Variants in RPS19BP1 observed in about 807,000 individuals in gnomAD.
RPS19BP1 encodes the protein active regulator of SIRT1.
RPS19BP1 carries 14 observed loss-of-function variants against 16.6 expected under a neutral mutation model. The observed-to-expected ratio is 0.84, with a 90% CI of 0.56 to 1.32. The LOEUF (loss-of-function observed/expected upper bound fraction) is 1.32. RPS19BP1 is among the 40% of genes most tolerant of loss of function. The pLI, the probability that RPS19BP1 is intolerant of heterozygous loss-of-function variation, is 0.00. For synonymous variants in RPS19BP1, 90 were observed against 77.3 expected, an observed-to-expected ratio of 1.16 and a Z score of -0.86; for missense variants, 188 against 178.6, an observed-to-expected ratio of 1.05 and a Z score of -0.30.
chr22:39,529,983 G>C (rs368186709), intron 2 of RPS19BP1, 66 bp from the exon 3 acceptor site: 2 of 1,328,954 alleles, frequency 1.5e-6, no homozygotes, highest in South Asian at 2.4e-5. Context: ...TCAGTCCCTG[G>C]CCCATGGCCC....
intron 2 of RPS19BP1, chr22:39,530,420 A>G (rs955741694): frequency 4.4e-6 from 1 of 225,310 alleles, no homozygotes; most frequent in African/African-American, 2.4e-5. Context: ...AATGTGTTTG[A>G]AAAACACAAA....
chr22:39,531,248 T>G (rs1305001068), intron 2 of RPS19BP1: 15 of 152,242 alleles, frequency 9.9e-5, no homozygotes. Context: ...GGGAATGACC[T>G]CTGGCACTCC....
chr22:39,529,677 C>A (rs1931254018), intron 3 of RPS19BP1, 54 bp from the exon 4 acceptor site: 2 of 1,608,108 alleles, frequency 1.2e-6, no homozygotes, highest in Non-Finnish European at 8.5e-7. Flanking sequence ...AGGAGGCCCG[C>A]AAAGGTCACA....
rs377582766 is a variant in RPS19BP1, at chr22:39,529,476, G to A, written c.*16C>T. ...TGCAGGGCTTGAAGGCCTCTTCACC[G>A]TGCCCTCCAGGGAGCCTAGCTGCCG... On this transcript the variant is annotated 3_prime_UTR_variant, in exon 4 of 4. Transcript: ENST00000334678. The A allele has an allele frequency of 7.2e-5, 116 of 1,613,698 alleles. No homozygotes were observed. The highest frequency in any genetic ancestry group is 1.6e-4 in the Middle Eastern group (1 of 6,080).
chr22:39,531,931 G>C (rs1415650615), intron 2 of RPS19BP1: 1 of 174,406 alleles, frequency 5.7e-6, no homozygotes, highest in Non-Finnish European at 1.2e-5. Flanking sequence ...ACCTTTACCA[G>C]CCTTTATTTT....
At chr22:39,531,562 C>T (rs1931310204) in intron 2 of RPS19BP1, 1 of 152,238 alleles carries the variant, frequency 6.6e-6, no homozygotes, top group African/African-American at 2.4e-5. Context: ...ACCACTAAAA[C>T]CCCTCTAAAG....
At chr22:39,530,052 C>T (rs924109722) in intron 2 of RPS19BP1, 135 bp from the exon 3 acceptor site, 4 of 687,576 alleles carry the variant, frequency 5.8e-6, no homozygotes, top group African/African-American at 1.8e-5. Flanking sequence ...TCTTCTCCAT[C>T]AAATGCATTC....
In RPS19BP1 at chr22:39,532,690, CG is replaced by C; in HGVS notation, c.48del (p.Glu17ArgfsTer17). 1 of 1,544,518 alleles carries C rather than the reference CG, an allele frequency of 6.5e-7. No homozygotes were observed. The highest frequency in any genetic ancestry group is 8.7e-7 in the Non-Finnish European group (1 of 1,148,120). ...TCCCCTGGCCAGCCCTCCTCACCCT[CG>C]GACGCCGCCAGCAGCTCCAGGCCCC... is the stretch of plus-strand genomic sequence containing the variant. ...LRRGLELLAA[S>X]EAPRDPPGQA... On this transcript the variant is annotated frameshift_variant, in exon 1 of 4. Transcript: ENST00000334678. LOFTEE classifies it high-confidence loss of function.
intron 3 of RPS19BP1, 92 bp from the exon 4 acceptor site, chr22:39,529,715 C>G: frequency 1.3e-6 from 2 of 1,594,794 alleles, no homozygotes; most frequent in Non-Finnish European, 1.7e-6. Flanking sequence ...GCAGGGCTGG[C>G]CCAGCCTCCC....
chr22:39,529,633 G>A lies in RPS19BP1; in HGVS notation c.280-10C>T, dbSNP rs1484413189. 1.9e-6 allele frequency: 3 copies of A among 1,613,426 alleles called. No individual in the cohort carries two copies. Among genetic ancestry groups the A allele is most frequent in the Admixed American group, 1.7e-5 (1 of 59,914 alleles). ...GGTTCTGGCGCAAAATCTGGCGAGG[G>A]TGCGGGACCGAGGGCCCATCATTTC... is the stretch of plus-strand genomic sequence containing the variant. On this transcript the variant is annotated splice_polypyrimidine_tract_variant and intron_variant, in intron 3 of 3. Coordinates refer to ENST00000334678, the MANE Select transcript of RPS19BP1 (RefSeq NM_194326.4).
chr22:39,529,096 T>C lies in RPS19BP1; in HGVS notation c.*396A>G. On this transcript the variant is annotated 3_prime_UTR_variant, in exon 4 of 4. Coordinates refer to ENST00000334678, the MANE Select transcript of RPS19BP1 (RefSeq NM_194326.4). ...GCAGACCAGCAGCAAACACAGCTCT[T>C]GGGTTCACATTTATTGTAACTTGGA... 4.2e-6 allele frequency: 1 copy of C among 237,932 alleles called. No homozygotes were observed. The highest frequency in any genetic ancestry group is 4.4e-5 in the South Asian group (1 of 22,960). 14.7% of individuals were successfully genotyped at this position (237,932 alleles called of 1,614,324 possible).
intron 2 of RPS19BP1, 117 bp from the exon 3 acceptor site, chr22:39,530,034 G>A (rs954885958): frequency 7.6e-6 from 6 of 788,500 alleles, no homozygotes; most frequent in African/African-American, 3.4e-5. Flanking sequence ...TTATTACAGC[G>A]GCTGGGCTCT....
chr22:39,531,046 C>G (rs1213153961), intron 2 of RPS19BP1: 1 of 152,260 alleles, frequency 6.6e-6, no homozygotes, highest in Non-Finnish European at 1.5e-5. Context: ...AAAGTGGCAG[C>G]TGCAGAGGTG....
Position 39,532,725 on chromosome 22 carries a change from A to G in RPS19BP1, c.14T>C (p.Leu5Pro), listed in dbSNP as rs952155545. MSAALLRRGLELLAA... is the reference protein window; with the variant it reads MSAAPLRRGLELLAA... Reference sequence around the variant, plus strand: ...CAGCAGCTCCAGGCCCCGCCGCAGCAGGGCGGCGGACATGGCGGCGCTTGG... The same window carrying G: ...CAGCAGCTCCAGGCCCCGCCGCAGCGGGGCGGCGGACATGGCGGCGCTTGG... Residue 5 changes from leucine to proline, a missense_variant, in exon 1 of 4, where the codon CTG becomes CCG. Physicochemically the swap from Leu to Pro is moderately conservative, Grantham distance 98. Transcript: ENST00000334678. The G allele has an allele frequency of 3.0e-5, 47 of 1,544,094 alleles. No individual in the cohort carries two copies. Among genetic ancestry groups the G allele is most frequent in the Non-Finnish European group, 4.0e-5 (46 of 1,147,268 alleles).
At chr22:39,532,318 C>G (rs920827597) in intron 2 of RPS19BP1, 77 bp downstream of exon 2, 19 of 1,603,274 alleles carry the variant, frequency 1.2e-5, no homozygotes, top group Admixed American at 3.4e-5. Context: ...GCTTCAAGCC[C>G]TGCCTCAAGC....
chr22:39,532,589 C>T (rs1569030774), intron 1 of RPS19BP1, 66 bp from the exon 2 acceptor site: 13 of 1,609,824 alleles, frequency 8.1e-6, no homozygotes, highest in Admixed American at 5.0e-5. Context: ...GCCACTGGGG[C>T]TAAGCCCGGC....
In RPS19BP1 at chr22:39,529,732, T is replaced by C. The variant is rs1931255299; in HGVS notation, c.279+88A>G. On this transcript the variant is annotated intron_variant, in intron 3 of 3. Coordinates refer to ENST00000334678, the MANE Select transcript of RPS19BP1 (RefSeq NM_194326.4). ...AGGGCTGGCCCAGCCTCCCACCCTA[T>C]GCTCAGGGCTGAGACCGCCATGGGT... 8.1e-6 allele frequency: 13 copies of C among 1,595,724 alleles called. 1 individual carries two copies. The highest frequency in any genetic ancestry group is 1.7e-4 in the Middle Eastern group (1 of 6,008).
chr22:39,532,214 G>A (rs1369768674), intron 2 of RPS19BP1, 181 bp downstream of exon 2: 11 of 738,742 alleles, frequency 1.5e-5, no homozygotes, highest in Non-Finnish European at 2.0e-5. Flanking sequence ...CGTAGTCCAC[G>A]AGGACCAGGA....
At chr22:39,529,652 T>C in intron 3 of RPS19BP1, 29 bp from the exon 4 acceptor site, 8 of 1,611,770 alleles carry the variant, frequency 5.0e-6, no homozygotes, top group Non-Finnish European at 6.8e-6. Context: ...CGAGGGCCCA[T>C]CATTTCAAGA....
Sources: gnomAD v4.1 joint callset for allele counts on GRCh38, gnomAD v4.1.1 for gene constraint, MANE v1.5 for transcripts, NCBI Gene and HGNC (gene_info 2026-07-23, HGNC 2026-07-21) for gene names.